SLC25A48: variants seen among roughly 807,000 people sequenced by gnomAD.
SLC25A48 encodes solute carrier family 25 member 48.
In SLC25A48, 29 loss-of-function variants were observed where a neutral mutation model predicts 32.2. That is an observed-to-expected ratio of 0.90 (90% CI 0.67 to 1.23). The LOEUF is 1.23. Among genes scored for constraint, SLC25A48 ranks in the 50% most tolerant of loss-of-function variants. The pLI is 0.00. For synonymous variants in SLC25A48, 164 were observed against 172.3 expected (o/e 0.95, Z 0.38); for missense variants, 399 against 422.7 (o/e 0.94, Z 0.49).
At chr5:135,885,499 TTCTC>T (rs139883917) in intron 7 of SLC25A48, among the ~76,000 whole-genome samples, 1 of 151,794 alleles carries the variant, frequency 6.6e-6, no homozygotes, top group Non-Finnish European at 1.5e-5. Context: ...GCTTCCTTGC[TTCTC>T]TCTCTCTCTC....
chr5:135,799,316 C>T (rs1757263488), intron 3 of SLC25A48, among the ~76,000 whole-genome samples: 1 of 151,674 alleles, frequency 6.6e-6, no homozygotes, highest in African/African-American at 2.4e-5. Flanking sequence ...TACTCCCTCC[C>T]TGTGATATTG....
chr5:135,645,946 C>T (rs1752947799), intron 3 of SLC25A48, among the ~76,000 whole-genome samples: 1 of 152,144 alleles, frequency 6.6e-6, no homozygotes, highest in African/African-American at 2.4e-5. Context: ...CAAGGGATTG[C>T]ATTGATGGGC....
chr5:135,778,540 C>T (rs1430647035), intron 3 of SLC25A48, among the ~76,000 whole-genome samples: 1 of 151,076 alleles, frequency 6.6e-6, no homozygotes, highest in Non-Finnish European at 1.5e-5. Context: ...TGTACACCAT[C>T]CTGTAATATT....
intron 3 of SLC25A48, among the ~76,000 whole-genome samples, chr5:135,774,975 C>T (rs755585342): frequency 1.3e-5 from 2 of 151,762 alleles, no homozygotes; most frequent in African/African-American, 2.4e-5. Context: ...TTGTACACCC[C>T]GCTTGTGATA....
chr5:135,767,355 C>T (rs962026252), intron 3 of SLC25A48, among the ~76,000 whole-genome samples: 2 of 151,844 alleles, frequency 1.3e-5, no homozygotes, highest in Non-Finnish European at 2.9e-5. Flanking sequence ...TTCGGAATAT[C>T]TGGGAGAAGA....
At chr5:135,800,518 G>T (rs550660058) in intron 3 of SLC25A48, among the ~76,000 whole-genome samples, 2 of 150,746 alleles carry the variant, frequency 1.3e-5, no homozygotes, top group South Asian at 2.1e-4. Flanking sequence ...CATCGCAGGG[G>T]GTGTACACCC....
chr5:135,864,240 C>T (rs896845582), intron 4 of SLC25A48, among the ~76,000 whole-genome samples: 3 of 152,168 alleles, frequency 2.0e-5, no homozygotes, highest in African/African-American at 7.2e-5. Context: ...AGTTGCCTGG[C>T]TGGGAGGTCA....
chr5:135,639,061 G>A (rs1289011997), intron 3 of SLC25A48, among the ~76,000 whole-genome samples: 2 of 152,160 alleles, frequency 1.3e-5, no homozygotes, highest in Non-Finnish European at 2.9e-5. Flanking sequence ...TCATAGCCAC[G>A]CTGTCTGATT....
At chr5:135,655,426 C>T (rs144116785) in intron 3 of SLC25A48, among the ~76,000 whole-genome samples, 2 of 152,340 alleles carry the variant, frequency 1.3e-5, no homozygotes, top group African/African-American at 4.8e-5. Context: ...CTGGAGGCTT[C>T]TTCTCCAGGC....
At chr5:135,818,120 C>T (rs1016603556) in intron 4 of SLC25A48, among the ~76,000 whole-genome samples, 46 of 55,402 alleles carry the variant, frequency 8.3e-4, no homozygotes, top group African/African-American at 2.4e-3. Context: ...TCTCTCTCTC[C>T]CTCTGTTTCT....
chr5:135,728,163 C>T (rs924347943), intron 3 of SLC25A48, among the ~76,000 whole-genome samples: 2 of 150,320 alleles, frequency 1.3e-5, no homozygotes, highest in East Asian at 3.9e-4. Context: ...GGCTGAGGCA[C>T]GAGAATAAGT....
At chr5:135,655,243 T>G (rs1171930460) in intron 3 of SLC25A48, among the ~76,000 whole-genome samples, 1 of 152,156 alleles carries the variant, frequency 6.6e-6, no homozygotes, top group Non-Finnish European at 1.5e-5. Flanking sequence ...AGGTGAGAAC[T>G]TACATTGGCT....
intron 2 of SLC25A48, among the ~76,000 whole-genome samples, chr5:135,845,035 C>G (rs1019438389): frequency 6.6e-6 from 1 of 152,208 alleles, no homozygotes; most frequent in Non-Finnish European, 1.5e-5. Context: ...GCTGCTGTAA[C>G]AAATAACCAC....
At chr5:135,615,325 C>T (rs747935799) in intron 1 of SLC25A48, among the ~76,000 whole-genome samples, 35 of 152,118 alleles carry the variant, frequency 2.3e-4, no homozygotes, top group Non-Finnish European at 3.4e-4. Context: ...CAGTGAACAC[C>T]GGGCTGATTA....
intron 1 of SLC25A48, among the ~76,000 whole-genome samples, chr5:135,581,892 CT>C (rs3834842): frequency 0.077 from 11,739 of 152,322 alleles, 456 homozygotes; most frequent in South Asian, 0.15. Flanking sequence ...GGCTTGGCCC[CT>C]GACACACCTT....
At chr5:135,875,604 A>C (rs889844601) in intron 6 of SLC25A48, 1 of 152,266 alleles carries the variant, frequency 6.6e-6, no homozygotes, top group Non-Finnish European at 1.5e-5. Flanking sequence ...AAAAATGCCT[A>C]AGGGCTTTAG....
At chr5:135,773,105 G>T (rs4315919) in intron 3 of SLC25A48, among the ~76,000 whole-genome samples, 45,744 of 150,986 alleles carry the variant, frequency 0.3, 7,073 homozygotes, top group East Asian at 0.46. Context: ...ATCGCAGGGG[G>T]TGTACAATCC....
At chr5:135,716,871 T>C (rs1243885125) in intron 3 of SLC25A48, among the ~76,000 whole-genome samples, 1 of 152,234 alleles carries the variant, frequency 6.6e-6, no homozygotes, top group East Asian at 1.9e-4. Flanking sequence ...CAGCCTTTTT[T>C]CTTTATTGCT....
At chr5:135,694,747 T>C (rs1580791411) in intron 3 of SLC25A48, among the ~76,000 whole-genome samples, 1 of 152,130 alleles carries the variant, frequency 6.6e-6, no homozygotes, top group East Asian at 1.9e-4. Context: ...CCACCATGCC[T>C]GGCTAATTTT....
Sources: allele counts gnomAD v4.1 joint callset (sites outside exome capture counted in the v4.1 genomes callset), GRCh38; gene constraint gnomAD v4.1.1; transcripts MANE v1.5; gene names NCBI Gene and HGNC (gene_info 2026-07-23, HGNC 2026-07-21).